Variants in SP100 observed in about 807,000 individuals in gnomAD.
The protein encoded by SP100 is SP100 nuclear body protein, also known as nuclear autoantigen Sp-100.
SP100 carries 84 observed loss-of-function variants against 130.0 expected under a neutral mutation model. The observed-to-expected ratio is 0.65, with a 90% CI of 0.54 to 0.77. SP100 has a LOEUF of 0.77. Ranked by LOEUF, SP100 falls within the 30% of genes least tolerant of loss-of-function variation. SP100 has a pLI of 0.00. For synonymous variants in SP100, 331 were observed against 351.7 expected, an observed-to-expected ratio of 0.94 and a Z score of 0.66; for missense variants, 978 against 1,052.2, an observed-to-expected ratio of 0.93 and a Z score of 0.97.
chr2:230,457,422 G>A (rs1410998266), intron 8 of SP100, among the ~76,000 whole-genome samples: 1 of 152,210 alleles, frequency 6.6e-6, no homozygotes, highest in East Asian at 1.9e-4. Flanking sequence ...GGGCTGGCCT[G>A]AGTCCTGGGG....
intron 17 of SP100, among the ~76,000 whole-genome samples, chr2:230,477,855 A>AAG (rs924772461): frequency 6.6e-6 from 1 of 151,274 alleles, no homozygotes; most frequent in Non-Finnish European, 1.5e-5. Flanking sequence ...GTATTGCTTG[A>AAG]ACCCGGGAGG....
chr2:230,531,821 A>G (rs1357052684), intron 24 of SP100, among the ~76,000 whole-genome samples: 3 of 152,226 alleles, frequency 2.0e-5, no homozygotes, highest in Non-Finnish European at 4.4e-5. Context: ...TGTATCAGGA[A>G]CAAAATATGC....
Position 230,449,555 on chromosome 2 carries a change from G to A in SP100, c.587-6G>A. ...TAAAATACCTGTGAATCAAACCATG[G>A]TTTAGGTACAACCCCACCTGAAAAT... is the stretch of plus-strand genomic sequence containing the variant. On this transcript the variant is annotated splice_region_variant and splice_polypyrimidine_tract_variant and intron_variant, in intron 6 of 28. Coordinates refer to ENST00000340126, the MANE Select transcript of SP100 (RefSeq NM_001080391.2). 2.5e-6 allele frequency: 4 copies of A among 1,613,878 alleles called. No individual in the cohort carries two copies. Among genetic ancestry groups the A allele is most frequent in the South Asian group, 1.1e-5 (1 of 91,066 alleles).
rs1486228431 is a variant in SP100, at chr2:230,459,253, C to T, written c.821-2009C>T. ...AATGAAAAATTGGTAGAGAGTGGAT[C>T]ATGCAAAGAAGGGAAGAGAGAAGAC... is the stretch of plus-strand genomic sequence containing the variant. On this transcript the variant is annotated intron_variant, in intron 8 of 28. Coordinates refer to ENST00000340126, the MANE Select transcript of SP100 (RefSeq NM_001080391.2). Among the ~76,000 whole-genome samples the T allele has an allele frequency of 1.4e-4, 21 of 152,096 alleles. 1 individual carries two copies. Among genetic ancestry groups the T allele is most frequent in the Admixed American group, 1.4e-3 (21 of 15,268 alleles).
chr2:230,417,686 T>A, intron 2 of SP100, 21 bp downstream of exon 2: 1 of 1,605,072 alleles, frequency 6.2e-7, no homozygotes, highest in South Asian at 1.1e-5. Context: ...AAGAGTTATG[T>A]CTTGTTTTAA....
intron 11 of SP100, among the ~76,000 whole-genome samples, chr2:230,464,521 T>A (rs749946134): frequency 3.3e-5 from 5 of 152,246 alleles, no homozygotes; most frequent in Non-Finnish European, 7.3e-5. Flanking sequence ...ATAAGCACAG[T>A]CTTCCTTTGT....
chr2:230,436,868 A>G (rs2063287048), intron 2 of SP100, among the ~76,000 whole-genome samples: 1 of 151,382 alleles, frequency 6.6e-6, no homozygotes. Flanking sequence ...ACACATATGT[A>G]TATGTGTATA....
At chr2:230,477,318 C>T (rs2065607184) in intron 17 of SP100, among the ~76,000 whole-genome samples, 1 of 151,890 alleles carries the variant, frequency 6.6e-6, no homozygotes, top group Admixed American at 6.6e-5. Context: ...ATCTTTTGTC[C>T]TAGAGAAGTT....
chr2:230,469,360 C>CCTCT, intron 14 of SP100: 1 of 514,938 alleles, frequency 1.9e-6, no homozygotes, highest in East Asian at 4.6e-5. Context: ...GGTGCCCACA[C>CCTCT]AGTCATTCAG....
rs574021144 is a variant in SP100 at position 230,453,283 on chromosome 2, C to A, written c.820+3028C>A. Among the ~76,000 whole-genome samples, 5 of 152,342 alleles carry A rather than the reference C, an allele frequency of 3.3e-5. No homozygotes were observed. The South Asian group carries it at 1.0e-3, about 32-fold the overall frequency. ...GGTAACTGCCCCCATGACTCAATTA[C>A]CTCCCACTAAGTCCTTCCCATGACA... is the stretch of plus-strand genomic sequence containing the variant. On this transcript the variant is annotated intron_variant, in intron 8 of 28. Coordinates refer to ENST00000340126, the MANE Select transcript of SP100 (RefSeq NM_001080391.2).
intron 27 of SP100, 107 bp downstream of exon 27, chr2:230,541,479 G>A (rs866270): frequency 0.21 from 188,964 of 908,040 alleles, 20,897 homozygotes; most frequent in Non-Finnish European, 0.24. Flanking sequence ...TGAGTTTTTA[G>A]TTCAGGCTAC....
At chr2:230,509,072 C>G (rs1479851169) in intron 23 of SP100, 1 of 152,156 alleles carries the variant, frequency 6.6e-6, no homozygotes, top group Non-Finnish European at 1.5e-5. Flanking sequence ...GTGGAGAGGC[C>G]CTTTGGCCCC....
chr2:230,437,462 G>A (rs1174612402), intron 2 of SP100, among the ~76,000 whole-genome samples: 1 of 151,982 alleles, frequency 6.6e-6, no homozygotes, highest in Non-Finnish European at 1.5e-5. Flanking sequence ...ATAACTTTTT[G>A]TGACTTCTTT....
intron 2 of SP100, among the ~76,000 whole-genome samples, chr2:230,423,157 T>G (rs2062820175): frequency 6.6e-6 from 1 of 152,206 alleles, no homozygotes. Flanking sequence ...GAAAGCAGAT[T>G]AGTGAAGCTC....
chr2:230,452,007 T>C (rs1458796983), intron 8 of SP100, among the ~76,000 whole-genome samples: 2 of 152,240 alleles, frequency 1.3e-5, no homozygotes, highest in African/African-American at 2.4e-5. Context: ...GTCTATTTTA[T>C]GCAAGCACCA....
At position 230,499,228 on chromosome 2, in the gene SP100, T is replaced by C. The variant is rs1351925012; in HGVS notation, c.1720+693T>C. Among the ~76,000 whole-genome samples the C allele has an allele frequency of 3.3e-5, 5 of 151,800 alleles. No homozygotes were observed. The East Asian group carries it at 9.7e-4, about 30-fold the overall frequency. ...CTCTTCAGTCCCCACCTCCACCACA[T>C]AGAGGCTCTAAAATGCAAAGCCTCC... is the stretch of plus-strand genomic sequence containing the variant. On this transcript the variant is annotated intron_variant, in intron 19 of 28. Transcript: ENST00000340126.
At chr2:230,427,194 C>T (rs1018185851) in intron 2 of SP100, among the ~76,000 whole-genome samples, 2 of 152,054 alleles carry the variant, frequency 1.3e-5, no homozygotes, top group Non-Finnish European at 2.9e-5. Flanking sequence ...CAGAGTCTCA[C>T]TCTGTCACCC....
chr2:230,449,530 T>A (rs753570714), intron 6 of SP100, 31 bp from the exon 7 acceptor site: 2 of 1,612,938 alleles, frequency 1.2e-6, no homozygotes, highest in East Asian at 4.5e-5. Context: ...AGAGGGCAAA[T>A]AAAATACCTG....
chr2:230,496,919 T>C (rs572015953), intron 18 of SP100, among the ~76,000 whole-genome samples: 1 of 152,344 alleles, frequency 6.6e-6, no homozygotes, highest in East Asian at 1.9e-4. Flanking sequence ...CATTCTAGGA[T>C]TGAGTCTATA....
Sources: allele counts gnomAD v4.1 joint callset (sites outside exome capture counted in the v4.1 genomes callset), GRCh38; gene constraint gnomAD v4.1.1; transcripts MANE v1.5; gene names NCBI Gene and HGNC (gene_info 2026-07-23, HGNC 2026-07-21).